GLRA3: variants seen among roughly 807,000 people sequenced by gnomAD.
GLRA3 encodes the protein glycine receptor subunit alpha-3.
A neutral mutation model predicts 60.4 loss-of-function variants in GLRA3; 44 were observed. The ratio of observed to expected loss-of-function variants is 0.73; its 90% CI spans 0.57 to 0.94. The LOEUF is 0.94. GLRA3 is among the 40% of genes least tolerant of loss of function. The pLI is 0.00. For synonymous variants in GLRA3, 223 were observed against 192.9 expected (o/e 1.16, Z -1.29); for missense variants, 508 against 564.6 (o/e 0.90, Z 1.02).
chr4:174,643,690 C>A lies in GLRA3; in HGVS notation c.*96G>T. On this transcript the variant is annotated 3_prime_UTR_variant, in exon 10 of 10. Transcript: ENST00000274093. Reference sequence around the variant, plus strand: ...TATGCCATTTTAATACAATGGTCATCATTTGTATACCACACGCACACATAT... The same window carrying A: ...TATGCCATTTTAATACAATGGTCATAATTTGTATACCACACGCACACATAT... 1.4e-6 allele frequency: 2 copies of A among 1,452,688 alleles called. No homozygotes were observed. The highest frequency in any genetic ancestry group is 1.8e-6 in the Non-Finnish European group (2 of 1,098,498). 90.0% of individuals were successfully genotyped at this position (1,452,688 alleles called of 1,614,324 possible).
At chr4:174,644,765 T>C (rs1732752481) in intron 9 of GLRA3, among the ~76,000 whole-genome samples, 1 of 152,178 alleles carries the variant, frequency 6.6e-6, no homozygotes, top group Non-Finnish European at 1.5e-5. Flanking sequence ...ATAAATTTAT[T>C]ACTATGTTCT....
At chr4:174,669,102 T>G (rs1029252039) in intron 7 of GLRA3, among the ~76,000 whole-genome samples, 1 of 152,054 alleles carries the variant, frequency 6.6e-6, no homozygotes, top group Admixed American at 6.6e-5. Flanking sequence ...CAGATCTCAT[T>G]GACTATTCAT....
intron 3 of GLRA3, among the ~76,000 whole-genome samples, chr4:174,730,119 C>T (rs1736495762): frequency 6.6e-6 from 1 of 152,168 alleles, no homozygotes; most frequent in African/African-American, 2.4e-5. Context: ...TTCACTTCAG[C>T]TTTTTGCCAG....
intron 5 of GLRA3, chr4:174,712,603 T>C (rs1336418824): frequency 1.3e-5 from 2 of 152,140 alleles, no homozygotes; most frequent in Non-Finnish European, 2.9e-5. Flanking sequence ...TTAAATTATG[T>C]TTCCTTTTTG....
intron 3 of GLRA3, 24 bp from the exon 4 acceptor site, chr4:174,728,722 GA>G (rs3834804): frequency 0.41 from 497,928 of 1,207,370 alleles, 87,030 homozygotes; most frequent in African/African-American, 0.5. Context: ...ATGAAAGAAA[GA>G]AAAAAAAAAA....
chr4:174,650,909 T>C (rs1395184080), intron 9 of GLRA3, among the ~76,000 whole-genome samples: 1 of 152,220 alleles, frequency 6.6e-6, no homozygotes, highest in Non-Finnish European at 1.5e-5. Flanking sequence ...AGAAAACTTG[T>C]ATGAAAATTG....
intron 2 of GLRA3, among the ~76,000 whole-genome samples, chr4:174,784,025 G>A (rs1739009897): frequency 6.7e-6 from 1 of 150,096 alleles, no homozygotes; most frequent in East Asian, 2.0e-4. Context: ...GCACACGTAT[G>A]TTTATTGCGG....
chr4:174,666,122 T>C (rs976984453), intron 7 of GLRA3, among the ~76,000 whole-genome samples: 1 of 152,176 alleles, frequency 6.6e-6, no homozygotes, highest in African/African-American at 2.4e-5. Context: ...GCTGCTTCCA[T>C]TTAAGATACT....
intron 3 of GLRA3, among the ~76,000 whole-genome samples, chr4:174,756,022 A>G (rs573388284): frequency 6.6e-6 from 1 of 152,258 alleles, no homozygotes; most frequent in East Asian, 1.9e-4. Context: ...AAGGAAAGGA[A>G]AAATTCATTG....
At chr4:174,668,333 G>A (rs897069595) in intron 7 of GLRA3, among the ~76,000 whole-genome samples, 4 of 152,042 alleles carry the variant, frequency 2.6e-5, no homozygotes, top group Admixed American at 6.6e-5. Flanking sequence ...TCATAACTAC[G>A]TTTACTTTTG....
At chr4:174,732,519 A>G (rs1736593336) in intron 3 of GLRA3, among the ~76,000 whole-genome samples, 1 of 152,124 alleles carries the variant, frequency 6.6e-6, no homozygotes, top group African/African-American at 2.4e-5. Flanking sequence ...TGTTAGCTCT[A>G]AGGAAAAACC....
At chr4:174,684,491 G>A (rs535067579) in intron 5 of GLRA3, among the ~76,000 whole-genome samples, 20 of 152,304 alleles carry the variant, frequency 1.3e-4, no homozygotes, top group African/African-American at 4.1e-4. Context: ...ATTTCTATAT[G>A]GGAGGTATCT....
chr4:174,711,632 GT>G (rs1029666495), intron 5 of GLRA3, among the ~76,000 whole-genome samples: 1 of 151,844 alleles, frequency 6.6e-6, no homozygotes, highest in Non-Finnish European at 1.5e-5. Flanking sequence ...TAGAGATGGG[GT>G]TTCACTATAT....
At chr4:174,721,926 T>C (rs1389436799) in intron 4 of GLRA3, among the ~76,000 whole-genome samples, 1 of 151,910 alleles carries the variant, frequency 6.6e-6, no homozygotes, top group Non-Finnish European at 1.5e-5. Context: ...TGTGTATATA[T>C]ATAACAAATA....
chr4:174,712,948 T>C (rs1735774292), intron 5 of GLRA3, among the ~76,000 whole-genome samples: 1 of 151,654 alleles, frequency 6.6e-6, no homozygotes, highest in African/African-American at 2.4e-5. Flanking sequence ...CACAGAAATG[T>C]AGGCATTTCT....
intron 1 of GLRA3, among the ~76,000 whole-genome samples, chr4:174,806,482 T>A (rs1740057192): frequency 1.3e-5 from 2 of 152,150 alleles, no homozygotes; most frequent in Non-Finnish European, 1.5e-5. Context: ...AAGTTCTGCA[T>A]CTGTGGATTC....
intron 1 of GLRA3, among the ~76,000 whole-genome samples, chr4:174,800,075 G>A (rs1271438861): frequency 6.6e-6 from 1 of 151,944 alleles, no homozygotes; most frequent in East Asian, 1.9e-4. Flanking sequence ...ATAAAATTAA[G>A]AACTCAATTA....
intron 1 of GLRA3, among the ~76,000 whole-genome samples, chr4:174,822,452 C>G (rs1740776882): frequency 6.6e-6 from 1 of 151,982 alleles, no homozygotes; most frequent in Admixed American, 6.6e-5. Flanking sequence ...TTCATTTTGT[C>G]TAGGAGAAAA....
At chr4:174,670,967 T>A (rs964024433) in intron 7 of GLRA3, among the ~76,000 whole-genome samples, 1 of 152,124 alleles carries the variant, frequency 6.6e-6, no homozygotes, top group African/African-American at 2.4e-5. Flanking sequence ...GATAAGGGTA[T>A]GAATAAATAA....
Sources: gnomAD v4.1 joint callset for allele counts (sites outside exome capture counted in the v4.1 genomes callset) on GRCh38, gnomAD v4.1.1 for gene constraint, MANE v1.5 for transcripts, NCBI Gene and HGNC (gene_info 2026-07-23, HGNC 2026-07-21) for gene names.